Variants in GARS1 observed in about 807,000 individuals in gnomAD.
The protein encoded by GARS1 is glycyl-tRNA synthetase 1, also known as glycine--tRNA ligase.
A neutral mutation model predicts 86.4 loss-of-function variants in GARS1; 46 were observed. The observed-to-expected ratio is 0.53, with a 90% CI of 0.42 to 0.68. The LOEUF (loss-of-function observed/expected upper bound fraction) is 0.68, where lower values mean the gene tolerates loss of function less well. Ranked by LOEUF, GARS1 falls within the 30% of genes least tolerant of loss-of-function variation. The probability of loss-of-function intolerance (pLI) is 0.00; values close to 1 mark genes in which losing one functional copy is unlikely to be tolerated. For synonymous variants in GARS1, 342 were observed against 329.8 expected (o/e 1.04, Z -0.40); for missense variants, 797 against 915.6 (o/e 0.87, Z 1.67).
chr7:30,603,602 A>G, intron 6 of GARS1, 30 bp downstream of exon 6: 1 of 1,495,754 alleles, frequency 6.7e-7, no homozygotes, highest in Non-Finnish European at 9.3e-7. Context: ...TATCAGAGTA[A>G]CCTAGGTGGT....
chr7:30,594,874 C>T (rs1040174267), upstream of GARS1: 6 of 1,464,212 alleles, frequency 4.1e-6, no homozygotes, highest in East Asian at 7.5e-5. Context: ...GGGCGGCGCG[C>T]GCCGCTTCCG....
In GARS1 at chr7:30,594,904, GC is replaced by G. The variant is rs1372471317; in HGVS notation, c.-15del. ...CTTCCGTCGCCACCCTCTCTGGACA[GC>G]CCAGGGCCGCAGGCTCATGCCCTCT... is the stretch of plus-strand genomic sequence containing the variant. On this transcript the variant is annotated 5_prime_UTR_variant, in exon 1 of 17. Transcript: ENST00000389266. 2 of 1,544,226 alleles carry G rather than the reference GC, an allele frequency of 1.3e-6. No individual in the cohort carries two copies. The highest frequency in any genetic ancestry group is 1.7e-6 in the Non-Finnish European group (2 of 1,150,442).
chr7:30,631,588 G>T (rs777901365), intron 15 of GARS1, 47 bp downstream of exon 15: 1 of 1,198,250 alleles, frequency 8.3e-7, no homozygotes, highest in South Asian at 1.2e-5. Context: ...CCATCAAGGA[G>T]ACTGAATTTT....
intron 4 of GARS1, among the ~76,000 whole-genome samples, chr7:30,602,765 T>A (rs964329051): frequency 2.0e-5 from 3 of 152,264 alleles, no homozygotes; most frequent in Non-Finnish European, 2.9e-5. Context: ...ACAGACTTTA[T>A]GACAACTTGT....
chr7:30,617,040 C>T (rs1782902450), intron 9 of GARS1, 74 bp from the exon 10 acceptor site: 35 of 1,476,464 alleles, frequency 2.4e-5, no homozygotes, highest in East Asian at 6.8e-5. Context: ...CAATGGAAAC[C>T]GATATCTTGG....
At chr7:30,621,599 A>G (rs1384154494) in intron 11 of GARS1, 99 bp downstream of exon 11, 1 of 896,006 alleles carries the variant, frequency 1.1e-6, no homozygotes, top group African/African-American at 1.6e-5. Context: ...ATAAATGGAG[A>G]TGTTTTAGAC....
At chr7:30,612,550 G>C (rs963612550) in intron 8 of GARS1, among the ~76,000 whole-genome samples, 2 of 139,348 alleles carry the variant, frequency 1.4e-5, no homozygotes, top group African/African-American at 5.2e-5. Flanking sequence ...GTAATATCTT[G>C]ATTGTCTAAA....
At position 30,598,803 on chromosome 7, in the gene GARS1, T is replaced by G. The variant is rs1030792388; in HGVS notation, c.230T>G (p.Leu77Arg). ...LRLAVRQQGD[L>R]VRKLKEDKAP... ...ATTCTCTTTCTTGGCTAGGGAGATC[T>G]TGTGCGAAAACTCAAAGAAGATAAA... is the stretch of plus-strand genomic sequence containing the variant. Residue 77 changes from leucine to arginine, a missense_variant, in exon 2 of 17, where the codon CTT becomes CGT. Coordinates refer to ENST00000389266, the MANE Select transcript of GARS1 (RefSeq NM_002047.4). 6.2e-7 allele frequency: 1 copy of G among 1,613,520 alleles called. No homozygotes were observed. The highest frequency in any genetic ancestry group is 1.7e-5 in the Admixed American group (1 of 60,028).
rs118095447 is a variant in GARS1 at position 30,625,963 on chromosome 7, A to G, written c.1614-271A>G. On this transcript the variant is annotated intron_variant, in intron 12 of 16. Coordinates refer to ENST00000389266, the MANE Select transcript of GARS1 (RefSeq NM_002047.4). Reference sequence around the variant, plus strand: ...TTGGTTTTACCTTGATTCAAAACCAAAGGAATTTGTCATTAAGTCACTTGT... The same window carrying G: ...TTGGTTTTACCTTGATTCAAAACCAGAGGAATTTGTCATTAAGTCACTTGT... Among the ~76,000 whole-genome samples, 4,193 of 152,316 alleles carry G rather than the reference A, an allele frequency of 0.028. 88 individuals are homozygous for G. The highest frequency in any genetic ancestry group is 0.05 in the South Asian group (243 of 4,832).
intron 6 of GARS1, among the ~76,000 whole-genome samples, chr7:30,604,292 C>T (rs1210765607): frequency 6.6e-6 from 1 of 152,136 alleles, no homozygotes; most frequent in Non-Finnish European, 1.5e-5. Flanking sequence ...GTTGGCTATT[C>T]CGTTTAGGCA....
At chr7:30,597,516 T>A (rs1266962846) in intron 1 of GARS1, among the ~76,000 whole-genome samples, 1 of 152,238 alleles carries the variant, frequency 6.6e-6, no homozygotes, top group Non-Finnish European at 1.5e-5. Context: ...AGAAGCAGAC[T>A]TTCCACATTG....
At chr7:30,619,489 G>A (rs890646078) in intron 10 of GARS1, among the ~76,000 whole-genome samples, 1 of 152,080 alleles carries the variant, frequency 6.6e-6, no homozygotes, top group Non-Finnish European at 1.5e-5. Context: ...TCTCAGGCAC[G>A]TTTTTGTAAT....
In GARS1 at chr7:30,609,605, A is replaced by G. The variant is rs754410181; in HGVS notation, c.756A>G (p.Gln252=). 1 of 1,613,322 alleles carries G rather than the reference A, an allele frequency of 6.2e-7. No individual in the cohort carries two copies. The highest frequency in any genetic ancestry group is 8.5e-7 in the Non-Finnish European group (1 of 1,179,424). The change falls in exon 7 of 17, where the codon CAA becomes CAG. Residue 252 remains glutamine, a synonymous_variant. Transcript: ENST00000389266. The stretch of plus-strand genomic sequence containing the variant: ...TTTAGCTTGATAACTATGGACAGCA[A>G]GAACTTGCGGATCTTTTTGTGAACT... ...VLAQLDNYGQ[Q]ELADLFVNYN...
chr7:30,600,067 A>G lies in GARS1; in HGVS notation c.427+18A>G. The G allele has an allele frequency of 1.9e-6, 3 of 1,542,660 alleles. No homozygotes were observed. The highest frequency in any genetic ancestry group is 2.2e-5 in the South Asian group (2 of 89,720). ...TTATGGAGGTAAGGGATTAATGACA[A>G]AAAGAACTATTGTGTTGTTAGTGGC... is the stretch of plus-strand genomic sequence containing the variant. On this transcript the variant is annotated intron_variant, in intron 3 of 16. Transcript: ENST00000389266.
intron 4 of GARS1, 38 bp from the exon 5 acceptor site, chr7:30,602,996 A>G: frequency 7.5e-7 from 1 of 1,341,750 alleles, no homozygotes; most frequent in Non-Finnish European, 1.1e-6. Context: ...TGTAATTTGT[A>G]TGAGAATGAC....
intron 6 of GARS1, among the ~76,000 whole-genome samples, chr7:30,609,116 G>A (rs1791541808): frequency 1.3e-5 from 2 of 152,142 alleles, no homozygotes; most frequent in Admixed American, 1.3e-4. Flanking sequence ...TATCTAATGG[G>A]AAAGGAAAGT....
At position 30,617,162 on chromosome 7, in the gene GARS1, C is replaced by G. The variant is rs1782904590; in HGVS notation, c.1243C>G (p.Leu415Val). The change falls in exon 10 of 17, where the codon CTC (leucine) becomes GTC (valine). Residue 415 changes from leucine (L) to valine (V), a missense_variant. Transcript: ENST00000389266. Reference protein sequence around the residue: ...VLGYFIGRIYLYLTKVGISPD... With the variant: ...VLGYFIGRIYVYLTKVGISPD... Reference sequence around the variant, plus strand: ...AGGCTATTTCATTGGCCGCATCTACCTCTACCTCACGAAGGTTGGAATATC... The same window carrying G: ...AGGCTATTTCATTGGCCGCATCTACGTCTACCTCACGAAGGTTGGAATATC... 1.2e-6 allele frequency: 2 copies of G among 1,614,070 alleles called. No homozygotes were observed. Among genetic ancestry groups the G allele is most frequent in the Non-Finnish European group, 1.7e-6 (2 of 1,179,938 alleles).
In GARS1 at chr7:30,599,929, T is replaced by TA; in HGVS notation, c.325-18_325-17insA. On this transcript the variant is annotated splice_polypyrimidine_tract_variant and intron_variant, in intron 2 of 16. Coordinates refer to ENST00000389266, the MANE Select transcript of GARS1 (RefSeq NM_002047.4). ...ACCCACCCCTCCACTCACTCACTTT[T>TA]TATTTAATCTCTAACAGGAGCTGGC... The TA allele has an allele frequency of 6.3e-7, 1 of 1,580,502 alleles. No homozygotes were observed. Among genetic ancestry groups the TA allele is most frequent in the South Asian group, 1.1e-5 (1 of 90,098 alleles).
intron 14 of GARS1, among the ~76,000 whole-genome samples, chr7:30,630,389 A>G (rs887151593): frequency 3.9e-5 from 6 of 152,162 alleles, no homozygotes; most frequent in African/African-American, 1.4e-4. Flanking sequence ...TTTTTATGGG[A>G]CAAATTTATT....
Sources: allele counts gnomAD v4.1 joint callset (sites outside exome capture counted in the v4.1 genomes callset), GRCh38; gene constraint gnomAD v4.1.1; transcripts MANE v1.5; gene names NCBI Gene and HGNC (gene_info 2026-07-23, HGNC 2026-07-21).